The following LRRC37B variants were observed in gnomAD, a reference collection of about 807,000 sequenced individuals.
LRRC37B encodes the protein leucine rich repeat containing 37B.
A neutral mutation model predicts 98.3 loss-of-function variants in LRRC37B; 28 were observed. That is an observed-to-expected ratio of 0.28 (90% CI 0.21 to 0.39). The LOEUF is 0.39. LRRC37B is among the 10% of genes least tolerant of loss of function. The probability of loss-of-function intolerance (pLI) is 1.00; values close to 1 mark genes in which losing one functional copy is unlikely to be tolerated. For synonymous variants in LRRC37B, 364 were observed against 442.7 expected (o/e 0.82, Z 2.23); for missense variants, 938 against 1,182.7 (o/e 0.79, Z 3.03).
chr17:32,022,437 A>T, exon 1 of LRRC37B: 1 of 1,612,948 alleles, frequency 6.2e-7, no homozygotes, highest in South Asian at 1.1e-5. Flanking sequence ...AGAGCCTACT[A>T]CAGAGGTTAA....
At chr17:32,032,416 A>G (rs1052625650) in intron 5 of LRRC37B, among the ~76,000 whole-genome samples, 4 of 152,200 alleles carry the variant, frequency 2.6e-5, no homozygotes, top group Non-Finnish European at 5.9e-5. Flanking sequence ...CTTTAATTCC[A>G]TATACTTTCC....
At chr17:32,029,096 G>A (rs910894275) in intron 3 of LRRC37B, among the ~76,000 whole-genome samples, 1 of 151,826 alleles carries the variant, frequency 6.6e-6, no homozygotes, top group African/African-American at 2.4e-5. Context: ...CTGCCTCCCT[G>A]GTTCACTCCA....
chr17:32,047,887 T>C (rs1462859056), exon 9 of LRRC37B: 1 of 1,613,966 alleles, frequency 6.2e-7, no homozygotes, highest in African/African-American at 1.3e-5. Context: ...GGCATCAACT[T>C]GTCAGGCTTT....
chr17:32,023,121 T>C (rs1910849975), intron 1 of LRRC37B, among the ~76,000 whole-genome samples: 1 of 89,386 alleles, frequency 1.1e-5, no homozygotes, highest in Non-Finnish European at 2.6e-5. Context: ...CTTCACCCTC[T>C]TTTTTTTTTT....
At chr17:32,014,900 G>C (rs1005544340) in intron 1 of LRRC37B, among the ~76,000 whole-genome samples, 2 of 152,196 alleles carry the variant, frequency 1.3e-5, no homozygotes, top group African/African-American at 4.8e-5. Flanking sequence ...GGGAGGCCTA[G>C]GTGGGTGGAT....
intron 1 of LRRC37B, among the ~76,000 whole-genome samples, chr17:32,008,761 C>T (rs1319842925): frequency 6.6e-6 from 1 of 152,154 alleles, no homozygotes; most frequent in African/African-American, 2.4e-5. Flanking sequence ...TGCTGACGGG[C>T]TAGTGCAACA....
intron 7 of LRRC37B, among the ~76,000 whole-genome samples, chr17:32,037,476 G>C (rs1567617212): frequency 1.3e-5 from 2 of 152,006 alleles, no homozygotes; most frequent in African/African-American, 4.8e-5. Context: ...TTGTCGGCCA[G>C]GCTGGTCTCA....
At chr17:32,034,911 A>G in exon 6 of LRRC37B, 1 of 1,609,772 alleles carries the variant, frequency 6.2e-7, no homozygotes, top group African/African-American at 1.3e-5. Context: ...ATTTTTCAGA[A>G]TTCTCAATCG....
At position 32,021,698 on chromosome 17, in the gene LRRC37B, A is replaced by G; in HGVS notation, c.633A>G (p.Lys211=). 4 of 1,614,226 alleles carry G rather than the reference A, an allele frequency of 2.5e-6. No individual in the cohort carries two copies. The Admixed American group carries it at 6.7e-5, about 27-fold the overall frequency. Residue 211 remains lysine, a synonymous_variant, in exon 1 of 12, where the codon AAA becomes AAG. Coordinates refer to ENST00000327564, the Ensembl canonical transcript of LRRC37B. Reference sequence around the variant, plus strand: ...ACAGTAAGGTTTCAAGACCAACCAAATTTGTTGTTTCGCCCAAGAACCTGA... The same window carrying G: ...ACAGTAAGGTTTCAAGACCAACCAAGTTTGTTGTTTCGCCCAAGAACCTGA...
At chr17:32,037,775 C>T (rs567706025) in intron 7 of LRRC37B, among the ~76,000 whole-genome samples, 1 of 151,884 alleles carries the variant, frequency 6.6e-6, no homozygotes, top group South Asian at 2.1e-4. Flanking sequence ...GGCTTTTTTC[C>T]CCTGTTATCC....
At chr17:32,043,707 A>G (rs571589291) in intron 7 of LRRC37B, among the ~76,000 whole-genome samples, 60 of 152,258 alleles carry the variant, frequency 3.9e-4, no homozygotes, top group South Asian at 1.2e-3. Flanking sequence ...TTATTCCTCT[A>G]TAGGTTTGAA....
chr17:32,041,672 G>A, intron 7 of LRRC37B: 1 of 459,148 alleles, frequency 2.2e-6, no homozygotes, highest in Non-Finnish European at 4.4e-6. Flanking sequence ...TACTCCCTCA[G>A]CAGGGAGCCA....
At chr17:32,016,243 C>A (rs573008431), upstream of LRRC37B, among the ~76,000 whole-genome samples, 1 of 152,118 alleles carries the variant, frequency 6.6e-6, no homozygotes, top group Non-Finnish European at 1.5e-5. Flanking sequence ...TAATATAATT[C>A]CTCCATTAAG....
chr17:32,012,664 T>A (rs1445026584), intron 1 of LRRC37B, among the ~76,000 whole-genome samples: 1 of 151,780 alleles, frequency 6.6e-6, no homozygotes, highest in Non-Finnish European at 1.5e-5. Context: ...TGCAGTGAGC[T>A]GAGATCACAC....
At chr17:32,023,459 A>C (rs375679176) in intron 1 of LRRC37B, among the ~76,000 whole-genome samples, 1 of 152,078 alleles carries the variant, frequency 6.6e-6, no homozygotes, top group African/African-American at 2.4e-5. Flanking sequence ...TCACTCTCCC[A>C]ATCTCAGTGA....
chr17:32,022,386 G>C, exon 1 of LRRC37B: 11 of 1,613,818 alleles, frequency 6.8e-6, no homozygotes, highest in Non-Finnish European at 9.3e-6. Context: ...CCTGACTGAA[G>C]CCACAGTTCA....
chr17:32,011,054 T>C (rs1428082861), intron 1 of LRRC37B, among the ~76,000 whole-genome samples: 1 of 151,824 alleles, frequency 6.6e-6, no homozygotes, highest in African/African-American at 2.4e-5. Context: ...TGGAGTGCAG[T>C]GGCACAATCT....
intron 1 of LRRC37B, among the ~76,000 whole-genome samples, chr17:32,014,035 T>C (rs1450011575): frequency 6.6e-6 from 1 of 152,162 alleles, no homozygotes; most frequent in African/African-American, 2.4e-5. Flanking sequence ...ATCAGTTGAC[T>C]CAATTACCAC....
At chr17:32,021,399 G>T in exon 1 of LRRC37B, 1 of 1,613,824 alleles carries the variant, frequency 6.2e-7, no homozygotes, top group Non-Finnish European at 8.5e-7. Flanking sequence ...GCAGATGTCA[G>T]CCCTGCCTCA....
Sources: allele counts gnomAD v4.1 joint callset (sites outside exome capture counted in the v4.1 genomes callset), GRCh38; gene constraint gnomAD v4.1.1; transcripts MANE v1.5; gene names NCBI Gene and HGNC (gene_info 2026-07-23, HGNC 2026-07-21).